UBE2E2: variants seen among roughly 807,000 people sequenced by gnomAD.
UBE2E2 encodes ubiquitin-conjugating enzyme E2 E2.
UBE2E2 carries 6 observed loss-of-function variants against 24.7 expected under a neutral mutation model. That is an observed-to-expected ratio of 0.24 (90% CI 0.13 to 0.48). UBE2E2 has a LOEUF of 0.48. Ranked by LOEUF, UBE2E2 falls within the 20% of genes least tolerant of loss-of-function variation. UBE2E2 has a pLI of 0.99. For synonymous variants in UBE2E2, 104 were observed against 83.6 expected, an observed-to-expected ratio of 1.24 and a Z score of -1.33; for missense variants, 169 against 245.0, an observed-to-expected ratio of 0.69 and a Z score of 2.07.
rs1017501820 is a variant in UBE2E2, at chr3:23,203,459, C to CA, written c.-14_-13insA. On this transcript the variant is annotated 5_prime_UTR_variant, in exon 1 of 6. Coordinates refer to ENST00000396703, the MANE Select transcript of UBE2E2 (RefSeq NM_152653.4). ...CCTGCGACCTGCACGGACACCCCCC[C>CA]CTCAGGTATTCGCTCGGGCCGCGCC... The CA allele has an allele frequency of 3.5e-5, 32 of 926,128 alleles. No individual in the cohort carries two copies. The East Asian group carries it at 5.8e-4, about 17-fold the overall frequency. The allele number at this position is 926,128 out of a possible 1,614,324, so 57.4% of individuals were successfully genotyped here.
chr3:23,339,051 C>T (rs554642422), intron 3 of UBE2E2, among the ~76,000 whole-genome samples: 1 of 152,172 alleles, frequency 6.6e-6, no homozygotes, highest in South Asian at 2.1e-4. Flanking sequence ...TCTTCTTAAC[C>T]AACTAATCAA....
At chr3:23,282,179 T>A (rs1698504291) in intron 3 of UBE2E2, among the ~76,000 whole-genome samples, 1 of 152,222 alleles carries the variant, frequency 6.6e-6, no homozygotes, top group Non-Finnish European at 1.5e-5. Context: ...CACATTGCAG[T>A]GAATACAGTT....
intron 5 of UBE2E2, among the ~76,000 whole-genome samples, chr3:23,533,932 TA>T (rs762734601): frequency 5.8e-4 from 88 of 152,278 alleles, no homozygotes; most frequent in South Asian, 1.9e-3. Flanking sequence ...GCCCAAAAAA[TA>T]AAATTGTGCA....
chr3:23,306,755 C>T (rs1174843523), intron 3 of UBE2E2, among the ~76,000 whole-genome samples: 1 of 152,146 alleles, frequency 6.6e-6, no homozygotes, highest in Non-Finnish European at 1.5e-5. Flanking sequence ...GAGCAAGAAC[C>T]ACCATTGAAC....
intron 5 of UBE2E2, among the ~76,000 whole-genome samples, chr3:23,574,233 G>A (rs959591867): frequency 1.3e-5 from 2 of 152,154 alleles, no homozygotes; most frequent in African/African-American, 4.8e-5. Context: ...GGAAAAGGTA[G>A]TTGGTGTCAG....
chr3:23,253,895 T>C (rs1288867315), intron 3 of UBE2E2, among the ~76,000 whole-genome samples: 1 of 152,222 alleles, frequency 6.6e-6, no homozygotes, highest in Non-Finnish European at 1.5e-5. Flanking sequence ...ATCCTTGTGC[T>C]ACAGTAATGA....
chr3:23,249,482 C>A (rs551538788), intron 3 of UBE2E2, among the ~76,000 whole-genome samples: 1 of 152,130 alleles, frequency 6.6e-6, no homozygotes, highest in Non-Finnish European at 1.5e-5. Context: ...TTTCCAGATA[C>A]TAAAAATTTT....
chr3:23,506,794 C>G (rs575756530), intron 4 of UBE2E2, among the ~76,000 whole-genome samples: 2 of 152,080 alleles, frequency 1.3e-5, no homozygotes, highest in South Asian at 4.1e-4. Context: ...CCACCATGCC[C>G]GGCTAATTTT....
chr3:23,579,189 G>A (rs890756343), intron 5 of UBE2E2, among the ~76,000 whole-genome samples: 35 of 152,024 alleles, frequency 2.3e-4, no homozygotes, highest in African/African-American at 5.8e-4. Context: ...TCAGGAGATC[G>A]AGACCTTCCT....
chr3:23,225,113 A>T (rs1696782420), intron 3 of UBE2E2, among the ~76,000 whole-genome samples: 3 of 152,074 alleles, frequency 2.0e-5, no homozygotes, highest in Admixed American at 6.6e-5. Context: ...TGTTAGTTCA[A>T]ATCCTGCTCC....
At chr3:23,328,881 C>G (rs1480631288) in intron 3 of UBE2E2, among the ~76,000 whole-genome samples, 4 of 152,076 alleles carry the variant, frequency 2.6e-5, no homozygotes, top group African/African-American at 9.7e-5. Context: ...AAGCTGGTCT[C>G]GAACGCCTGA....
At chr3:23,294,395 T>G (rs1698850919) in intron 3 of UBE2E2, among the ~76,000 whole-genome samples, 1 of 152,052 alleles carries the variant, frequency 6.6e-6, no homozygotes, top group African/African-American at 2.4e-5. Flanking sequence ...ATTAGTTTTC[T>G]TGCTGGGAAA....
At chr3:23,573,488 T>A (rs1696273318) in intron 5 of UBE2E2, among the ~76,000 whole-genome samples, 1 of 152,194 alleles carries the variant, frequency 6.6e-6, no homozygotes, top group Non-Finnish European at 1.5e-5. Context: ...TCTTTAGAAG[T>A]GCACTAAATT....
chr3:23,486,175 T>C (rs923803493), intron 3 of UBE2E2, among the ~76,000 whole-genome samples: 1 of 152,136 alleles, frequency 6.6e-6, no homozygotes. Context: ...AATCATGAGG[T>C]CTGCCCACTG....
intron 3 of UBE2E2, among the ~76,000 whole-genome samples, chr3:23,441,229 G>A (rs1270047722): frequency 6.6e-6 from 1 of 151,964 alleles, no homozygotes; most frequent in African/African-American, 2.4e-5. Context: ...TCAAAGAATT[G>A]GGGAAGGAAG....
At chr3:23,442,016 G>T (rs1045519604) in intron 3 of UBE2E2, among the ~76,000 whole-genome samples, 1 of 152,120 alleles carries the variant, frequency 6.6e-6, no homozygotes, top group Non-Finnish European at 1.5e-5. Context: ...TAGAAATTTA[G>T]ATTTTAGTTC....
intron 3 of UBE2E2, among the ~76,000 whole-genome samples, chr3:23,399,567 T>G (rs1340960530): frequency 2.0e-5 from 3 of 152,234 alleles, no homozygotes; most frequent in East Asian, 3.8e-4. Context: ...ACTTTTGCAC[T>G]AAATTAGTAT....
At chr3:23,517,328 CTT>C (rs1346219435) in intron 4 of UBE2E2, among the ~76,000 whole-genome samples, 2 of 152,136 alleles carry the variant, frequency 1.3e-5, no homozygotes, top group Non-Finnish European at 2.9e-5. Context: ...AATCACAAGA[CTT>C]TTTAAATTGC....
chr3:23,229,109 G>A (rs1696906648), intron 3 of UBE2E2, among the ~76,000 whole-genome samples: 4 of 152,046 alleles, frequency 2.6e-5, no homozygotes, highest in Non-Finnish European at 5.9e-5. Context: ...TTTAATCCCT[G>A]CATTTCAGGT....
Sources: gnomAD v4.1 joint callset for allele counts (sites outside exome capture counted in the v4.1 genomes callset) on GRCh38, gnomAD v4.1.1 for gene constraint, MANE v1.5 for transcripts, NCBI Gene and HGNC (gene_info 2026-07-23, HGNC 2026-07-21) for gene names.